Variants in CPLANE1 observed in about 807,000 individuals in gnomAD.
CPLANE1 encodes ciliogenesis and planar polarity effector complex subunit 1, also known as ciliogenesis and planar polarity effector 1.
CPLANE1 carries 263 observed loss-of-function variants against 362.5 expected under a neutral mutation model. That is an observed-to-expected ratio of 0.73 (90% CI 0.66 to 0.80). The LOEUF is 0.80. Ranked by LOEUF, CPLANE1 falls within the 30% of genes least tolerant of loss-of-function variation. CPLANE1 has a pLI of 0.00. For synonymous variants in CPLANE1, 1,212 were observed against 1,302.6 expected, an observed-to-expected ratio of 0.93 and a Z score of 1.50; for missense variants, 3,461 against 3,793.4, an observed-to-expected ratio of 0.91 and a Z score of 2.30.
intron 26 of CPLANE1, 128 bp from the exon 27 acceptor site, chr5:37,181,133 C>T: frequency 2.4e-6 from 2 of 834,004 alleles, no homozygotes; most frequent in Non-Finnish European, 3.6e-6. Flanking sequence ...ATATTTACTG[C>T]ATTTCTACAA....
chr5:37,241,197 T>C (rs987000200), intron 6 of CPLANE1, among the ~76,000 whole-genome samples: 1 of 152,038 alleles, frequency 6.6e-6, no homozygotes, highest in Non-Finnish European at 1.5e-5. Flanking sequence ...CTAATGCCTG[T>C]AATCCCAGCA....
intron 16 of CPLANE1, chr5:37,211,780 A>C: frequency 1.3e-6 from 1 of 795,880 alleles, no homozygotes; most frequent in Non-Finnish European, 2.3e-6. Flanking sequence ...AATGAACTTC[A>C]AGACAAAAGT....
At chr5:37,092,526 A>G in the CPLANE1 span, among the ~76,000 whole-genome samples, 1 of 152,232 alleles carries the variant, frequency 6.6e-6, no homozygotes, top group Non-Finnish European at 1.5e-5. Flanking sequence ...GCCTCCAGTT[A>G]GGCAATTATA....
At chr5:37,224,946 C>CTTTTTTTT (rs199801993) in intron 12 of CPLANE1, among the ~76,000 whole-genome samples, 1 of 131,292 alleles carries the variant, frequency 7.6e-6, no homozygotes. Context: ...CACCTGTAAT[C>CTTTTTTTT]TTTTTTTTTT....
intron 44 of CPLANE1, chr5:37,140,109 T>C (rs1769213838): frequency 1.1e-6 from 1 of 898,192 alleles, no homozygotes; most frequent in African/African-American, 1.8e-5. Flanking sequence ...TAACTATATG[T>C]CTTCAGAGAA....
intron 46 of CPLANE1, among the ~76,000 whole-genome samples, chr5:37,131,896 T>A (rs1020173804): frequency 1.3e-5 from 2 of 152,162 alleles, no homozygotes; most frequent in African/African-American, 4.8e-5. Flanking sequence ...TGAGCTCAAA[T>A]GATCCTCCCA....
At chr5:37,171,676 TATC>T (rs1779812827) in intron 32 of CPLANE1, among the ~76,000 whole-genome samples, 1 of 152,034 alleles carries the variant, frequency 6.6e-6, no homozygotes, top group Non-Finnish European at 1.5e-5. Context: ...ATAAAATAAA[TATC>T]ATTCATAATC....
chr5:37,140,287 T>C lies in CPLANE1; in HGVS notation c.8633-917A>G, dbSNP rs1420478205. On this transcript the variant is annotated intron_variant, in intron 44 of 52. Transcript: ENST00000651892. ...ATTATCTTGAGATAAACCAAATCTG[T>C]CCCTAAGACTTACACATTCACATGG... 6 of 969,590 alleles carry C rather than the reference T, an allele frequency of 6.2e-6. No individual in the cohort carries two copies. The African/African-American group carries it at 1.1e-4, about 17-fold the overall frequency. The allele number at this position is 969,590 out of a possible 1,614,324, so 60.1% of individuals were successfully genotyped here. A position where few individuals can be genotyped will look rare whatever the true frequency, so the allele number is the denominator to read the frequency against.
chr5:37,136,819 T>C (rs1767854147), intron 46 of CPLANE1, among the ~76,000 whole-genome samples: 1 of 152,252 alleles, frequency 6.6e-6, no homozygotes, highest in Non-Finnish European at 1.5e-5. Flanking sequence ...CTTGGCGCCT[T>C]CTAGCCACAG....
the CPLANE1 span, among the ~76,000 whole-genome samples, chr5:37,076,283 A>C: frequency 1.3e-5 from 2 of 151,536 alleles, no homozygotes; most frequent in Admixed American, 6.6e-5. Context: ...GAAAAGAGAA[A>C]ATTTGGGCTG....
At position 37,209,424 on chromosome 5, in the gene CPLANE1, A is replaced by C; in HGVS notation, c.2921-2999T>G. 1.5e-6 allele frequency: 2 copies of C among 1,295,788 alleles called. No homozygotes were observed. The highest frequency in any genetic ancestry group is 1.5e-5 in the African/African-American group (1 of 68,868). The allele number at this position is 1,295,788 out of a possible 1,614,324, so 80.3% of individuals were successfully genotyped here. ...TGTGTTGAGTCAAAATGAACTGCGC[A>C]AAAAGCTATACCAGACATTTAAGGA... On this transcript the variant is annotated intron_variant, in intron 16 of 52. Coordinates refer to ENST00000651892, the MANE Select transcript of CPLANE1 (RefSeq NM_001384732.1). The surrounding 1 kb of genome is among the most constrained non-coding windows in gnomAD (Gnocchi z 4.6).
intron 15 of CPLANE1, among the ~76,000 whole-genome samples, chr5:37,214,211 T>C (rs1306635386): frequency 6.6e-6 from 1 of 152,220 alleles, no homozygotes; most frequent in Non-Finnish European, 1.5e-5. Flanking sequence ...ACACCTATAA[T>C]CCCAGCACTT....
At chr5:37,241,144 A>AG (rs1281195197) in intron 6 of CPLANE1, among the ~76,000 whole-genome samples, 2 of 151,972 alleles carry the variant, frequency 1.3e-5, no homozygotes, top group African/African-American at 4.8e-5. Flanking sequence ...TCAAAAAAAA[A>AG]ATAAAATAAA....
chr5:37,194,657 CTTT>C (rs575103511), intron 21 of CPLANE1, among the ~76,000 whole-genome samples: 4 of 135,136 alleles, frequency 3.0e-5, no homozygotes, highest in Admixed American at 7.6e-5. Context: ...TAAGAATAAA[CTTT>C]TTTTTTTTTT....
intron 32 of CPLANE1, among the ~76,000 whole-genome samples, chr5:37,173,065 C>G (rs933447565): frequency 6.6e-6 from 1 of 151,976 alleles, no homozygotes; most frequent in African/African-American, 2.4e-5. Context: ...TATATTACAT[C>G]ACATAAAAGG....
In CPLANE1 at chr5:37,106,789, T is replaced by C. The variant is rs187198752; in HGVS notation, c.*813A>G. The C allele has an allele frequency of 1.6e-5, 15 of 927,198 alleles. No individual in the cohort carries two copies. The African/African-American group carries it at 2.5e-4, about 15-fold the overall frequency. 57.4% of individuals were successfully genotyped at this position (927,198 alleles called of 1,614,324 possible). The stretch of plus-strand genomic sequence containing the variant: ...TTAATAGCTTTTTCAGATGATAGTG[T>C]GCTTTTATATTATACCAAACATTGA... On this transcript the variant is annotated 3_prime_UTR_variant, in exon 53 of 53. Transcript: ENST00000651892.
chr5:37,121,730 C>T lies in CPLANE1; in HGVS notation c.9072G>A (p.Met3024Ile), dbSNP rs921440177. 3 of 1,614,052 alleles carry T rather than the reference C, an allele frequency of 1.9e-6. No homozygotes were observed. The African/African-American group carries it at 4.0e-5, about 22-fold the overall frequency. ...SRRISQAYGL[M>I]NELLSESVQL... ...GTACTGACTCAGATAACAGTTCATT[C>T]ATCAGACCGTACGCTTGTGAGATTC... Residue 3024 changes from methionine (M) to isoleucine (I), a missense_variant, in exon 49 of 53, where the codon ATG (methionine) becomes ATA (isoleucine). Transcript: ENST00000651892.
chr5:37,188,380 C>A (rs1275937722), intron 21 of CPLANE1, among the ~76,000 whole-genome samples: 1 of 152,160 alleles, frequency 6.6e-6, no homozygotes, highest in Non-Finnish European at 1.5e-5. Flanking sequence ...TAAGTGAAAA[C>A]CATCTCATGT....
Position 37,169,219 on chromosome 5 carries a change from G to A in CPLANE1, c.6805C>T (p.Pro2269Ser), listed in dbSNP as rs1252505731. 1 of 1,614,146 alleles carries A rather than the reference G, an allele frequency of 6.2e-7. No individual in the cohort carries two copies. Among genetic ancestry groups the A allele is most frequent in the Non-Finnish European group, 8.5e-7 (1 of 1,180,016 alleles). Residue 2269 changes from proline (P) to serine (S), a missense_variant, in exon 34 of 53, where the codon CCT (proline) becomes TCT (serine). Pro to Ser is a moderately conservative substitution (Grantham distance 74, BLOSUM62 -1). This residue lies in a region of CPLANE1 where 3,380 missense variants were observed against 3,666.1 expected (regional missense o/e 0.92). Coordinates refer to ENST00000651892, the MANE Select transcript of CPLANE1 (RefSeq NM_001384732.1). ...EAWGLSDSFQPALPQRAAQTT... is the reference protein window; with the variant it reads ...EAWGLSDSFQSALPQRAAQTT... ...TGTGCTGCTCTCTGTGGCAGAGCAGGTTGGAAGGAGTCAGATAATCCCCAA... is the reference window on the plus strand; with the variant it reads ...TGTGCTGCTCTCTGTGGCAGAGCAGATTGGAAGGAGTCAGATAATCCCCAA...
Sources: allele counts gnomAD v4.1 joint callset (sites outside exome capture counted in the v4.1 genomes callset), GRCh38; gene constraint gnomAD v4.1.1; regional missense constraint gnomAD v4.1.1; non-coding constraint Gnocchi (gnomAD v3.1); transcripts MANE v1.5; gene names NCBI Gene and HGNC (gene_info 2026-07-23, HGNC 2026-07-21).